The following HES7 variants were observed in gnomAD, a reference collection of about 807,000 sequenced individuals.
HES7 encodes transcription factor HES-7.
In HES7, 8 loss-of-function variants were observed where a neutral mutation model predicts 18.0. The observed-to-expected ratio is 0.45, with a 90% confidence interval of 0.26 to 0.80. The LOEUF (loss-of-function observed/expected upper bound fraction) is 0.80. Ranked by LOEUF, HES7 falls within the 30% of genes least tolerant of loss-of-function variation. The pLI, the probability that HES7 is intolerant of heterozygous loss-of-function variation, is 0.18. For synonymous variants in HES7, 170 were observed against 158.6 expected (o/e 1.07, Z -0.54); for missense variants, 356 against 340.9 (o/e 1.04, Z -0.35).
upstream of HES7, among the ~76,000 whole-genome samples, chr17:8,126,628 G>A (rs2151855697): frequency 6.6e-6 from 1 of 151,978 alleles, no homozygotes; most frequent in East Asian, 1.9e-4. Context: ...CCACTTGTGA[G>A]CGGGGCGGGG....
At chr17:8,125,667 G>C (rs1421297520), upstream of HES7, among the ~76,000 whole-genome samples, 3 of 152,140 alleles carry the variant, frequency 2.0e-5, no homozygotes, top group Non-Finnish European at 4.4e-5. Flanking sequence ...CCACTTCCCT[G>C]GCCTACACCG....
In HES7 at chr17:8,124,064, A is replaced by G. The variant is rs1048238010; in HGVS notation, c.21T>C (p.Ala7=). 1.9e-6 allele frequency: 3 copies of G among 1,613,664 alleles called. No homozygotes were observed. Among genetic ancestry groups the G allele is most frequent in the East Asian group, 2.2e-5 (1 of 44,878 alleles). The change falls in exon 1 of 4, where the codon GCT becomes GCC. Residue 7 remains alanine (A), a synonymous_variant. Transcript: ENST00000541682. The part of the protein sequence containing the change: MVTRDR[A]ENRDGPKMLK... ...TCACCTTGGGGCCGTCCCTATTCTC[A>G]GCTCGATCCCGGGTGACCATTGCTC...
In HES7 at chr17:8,121,583, T is replaced by C; in HGVS notation, c.681A>G (p.Arg227=). 1 of 1,309,760 alleles carries C rather than the reference T, an allele frequency of 7.6e-7. No individual in the cohort carries two copies. Among genetic ancestry groups the C allele is most frequent in the Non-Finnish European group, 9.6e-7 (1 of 1,036,524 alleles). The allele number at this position is 1,309,760 out of a possible 1,614,324, so 81.1% of individuals were successfully genotyped here. ...CACCCCCCAAGGCTCAGGGCCAAGG[T>C]CTCCAGAAAGCGGGCGGCGGGGGCA... ...APLPPPPAFW[R]PWP Residue 227 remains arginine, a synonymous_variant, in exon 4 of 4, where the codon AGA becomes AGG. Coordinates refer to ENST00000541682, the MANE Select transcript of HES7 (RefSeq NM_001165967.2).
At position 8,122,949 on chromosome 17, in the gene HES7, A is replaced by C. The variant is rs146009969; in HGVS notation, c.138+82T>G. ...GCCTTGGGGCCAGGGTTGCCAACCA[A>C]GCTTGTGTCCCCACCCCAGTGGGAA... On this transcript the variant is annotated intron_variant, in intron 2 of 3. Coordinates refer to ENST00000541682, the MANE Select transcript of HES7 (RefSeq NM_001165967.2). The surrounding 1 kb of genome is among the most constrained non-coding windows in gnomAD (Gnocchi z 6.9). The C allele has an allele frequency of 3.7e-4, 438 of 1,169,638 alleles. 1 individual carries two copies. The African/African-American group carries it at 6.3e-3, about 17-fold the overall frequency. 72.5% of individuals were successfully genotyped at this position (1,169,638 alleles called of 1,614,324 possible). A position where few individuals can be genotyped will look rare whatever the true frequency, so the allele number is the denominator to read the frequency against.
At position 8,121,744 on chromosome 17, in the gene HES7, G is replaced by C; in HGVS notation, c.520C>G (p.Pro174Ala). The C allele has an allele frequency of 6.8e-7, 1 of 1,465,772 alleles. No individual in the cohort carries two copies. The highest frequency in any genetic ancestry group is 8.9e-7 in the Non-Finnish European group (1 of 1,121,156). The allele number at this position is 1,465,772 out of a possible 1,614,324, so 90.8% of individuals were successfully genotyped here. A position where few individuals can be genotyped will look rare whatever the true frequency, so the allele number is the denominator to read the frequency against. ...HQRPPVHQGH[P>A]SPRCAWSPSL... Reference sequence around the variant, plus strand: ...GGGGACCATGCGCAGCGCGGGCTAGGGTGGCCCTGGTGCACTGGGGGGCGC... The same window carrying C: ...GGGGACCATGCGCAGCGCGGGCTAGCGTGGCCCTGGTGCACTGGGGGGCGC... Residue 174 changes from proline to alanine, a missense_variant, in exon 4 of 4, where the codon CCT becomes GCT. Physicochemically the swap from Pro to Ala is conservative, Grantham distance 27. Coordinates refer to ENST00000541682, the MANE Select transcript of HES7 (RefSeq NM_001165967.2).
chr17:8,126,539 C>T (rs1981612618), upstream of HES7, among the ~76,000 whole-genome samples: 1 of 152,242 alleles, frequency 6.6e-6, no homozygotes, highest in Admixed American at 6.5e-5. Flanking sequence ...ACCTCCCCTC[C>T]CCGCCCCTTC....
rs370013324 is a variant in HES7, at chr17:8,124,075, G to T, written c.10C>A (p.Arg4=). The part of the protein sequence containing the change: MVT[R]DRAENRDGPK... ...CCGTCCCTATTCTCAGCTCGATCCC[G>T]GGTGACCATTGCTCCTCCGGACCCT... Residue 4 remains arginine (R), a synonymous_variant, in exon 1 of 4, where the codon CGG becomes AGG. Coordinates refer to ENST00000541682, the MANE Select transcript of HES7 (RefSeq NM_001165967.2). The T allele has an allele frequency of 9.3e-6, 15 of 1,613,904 alleles. No individual in the cohort carries two copies. Among genetic ancestry groups the T allele is most frequent in the Middle Eastern group, 3.3e-4 (2 of 6,084 alleles).
upstream of HES7, among the ~76,000 whole-genome samples, chr17:8,126,632 G>A (rs1267489662): frequency 1.1e-4 from 16 of 152,190 alleles, no homozygotes; most frequent in East Asian, 1.2e-3. Flanking sequence ...TTGTGAGCGG[G>A]GCGGGGCGGG....
chr17:8,121,971 A>G lies in HES7; in HGVS notation c.293T>C (p.Leu98Ser), dbSNP rs777620410. 12 of 1,548,642 alleles carry G rather than the reference A, an allele frequency of 7.7e-6. No individual in the cohort carries two copies. Among genetic ancestry groups the G allele is most frequent in the Middle Eastern group, 1.8e-4 (1 of 5,562 alleles). The change falls in exon 4 of 4, where the codon TTG becomes TCG. Residue 98 changes from leucine to serine, a missense_variant. Coordinates refer to ENST00000541682, the MANE Select transcript of HES7 (RefSeq NM_001165967.2). ...QDAEALASCY[L>S]SGFRECLLRL... ...AAGCAGGCACTCGCGGAAACCGGACAAGTAGCAGCTGGCGAGCGCCTCGGC... is the reference window on the plus strand; with the variant it reads ...AAGCAGGCACTCGCGGAAACCGGACGAGTAGCAGCTGGCGAGCGCCTCGGC...
chr17:8,122,153 T>G lies in HES7; in HGVS notation c.227-116A>C, dbSNP rs895005660. ...AGGCGCACAGAGACAGGAAGCCAGA[T>G]GGACGGAAAGAGGGAGAAAATGAGG... On this transcript the variant is annotated intron_variant, in intron 3 of 3. Coordinates refer to ENST00000541682, the MANE Select transcript of HES7 (RefSeq NM_001165967.2). This position sits in a 1 kb window ranked among gnomAD's most constrained non-coding sequence, Gnocchi z 6.9. 1 of 1,030,812 alleles carries G rather than the reference T, an allele frequency of 9.7e-7. No homozygotes were observed. The highest frequency in any genetic ancestry group is 1.4e-6 in the Non-Finnish European group (1 of 727,074). 63.9% of individuals were successfully genotyped at this position (1,030,812 alleles called of 1,614,324 possible). A position where few individuals can be genotyped will look rare whatever the true frequency, so the allele number is the denominator to read the frequency against.
Position 8,122,419 on chromosome 17 carries a change from G to T in HES7, c.150C>A (p.Asn50Lys), listed in dbSNP as rs1361592179. 1 of 1,583,828 alleles carries T rather than the reference G, an allele frequency of 6.3e-7. No individual in the cohort carries two copies. The highest frequency in any genetic ancestry group is 1.8e-5 in the Admixed American group (1 of 55,366). Residue 50 changes from asparagine (N) to lysine (K), a missense_variant, in exon 3 of 4, where the codon AAC becomes AAA. Asn to Lys is a moderately conservative substitution (Grantham distance 94). Coordinates refer to ENST00000541682, the MANE Select transcript of HES7 (RefSeq NM_001165967.2). The surrounding 1 kb of genome is among the most constrained non-coding windows in gnomAD (Gnocchi z 6.9). ...ATATCTCCGCTTTCTCCAGCTTCGGGTTCCGGAGGTTCTACAGACGGGAGG... is the reference window on the plus strand; with the variant it reads ...ATATCTCCGCTTTCTCCAGCTTCGGTTTCCGGAGGTTCTACAGACGGGAGG... ...LERTRDQNLR[N>K]PKLEKAEILE...
rs989936002 is a variant in HES7, at chr17:8,122,690, A to G, written c.139-260T>C. ...AGGAGGAGATTTGAAACCGCAACCC[A>G]GGGAATGAAATTAACCACCCGACAT... On this transcript the variant is annotated intron_variant, in intron 2 of 3. Coordinates refer to ENST00000541682, the MANE Select transcript of HES7 (RefSeq NM_001165967.2). The surrounding 1 kb of genome is among the most constrained non-coding windows in gnomAD (Gnocchi z 6.9). Among the ~76,000 whole-genome samples, 11 of 152,166 alleles carry G rather than the reference A, an allele frequency of 7.2e-5. No individual in the cohort carries two copies. The highest frequency in any genetic ancestry group is 7.2e-4 in the Admixed American group (11 of 15,266).
In HES7 at chr17:8,124,086, G is replaced by C; in HGVS notation, c.-2C>G. On this transcript the variant is annotated 5_prime_UTR_variant, in exon 1 of 4. Transcript: ENST00000541682. ...CTCAGCTCGATCCCGGGTGACCATT[G>C]CTCCTCCGGACCCTGTGTGGACCGG... 1 of 1,613,998 alleles carries C rather than the reference G, an allele frequency of 6.2e-7. No individual in the cohort carries two copies.
At chr17:8,124,388 T>A (rs1354161642), upstream of HES7, among the ~76,000 whole-genome samples, 1 of 152,108 alleles carries the variant, frequency 6.6e-6, no homozygotes, top group African/African-American at 2.4e-5. Context: ...CAGAGCTCGC[T>A]TGGGGATGAA....
In HES7 at chr17:8,124,095, G is replaced by C. The variant is rs528275024; in HGVS notation, c.-11C>G. ...ATCCCGGGTGACCATTGCTCCTCCG[G>C]ACCCTGTGTGGACCGGTTCCCTGCT... On this transcript the variant is annotated 5_prime_UTR_variant, in exon 1 of 4. Coordinates refer to ENST00000541682, the MANE Select transcript of HES7 (RefSeq NM_001165967.2). The C allele has an allele frequency of 6.2e-7, 1 of 1,613,998 alleles. No individual in the cohort carries two copies. Among genetic ancestry groups the C allele is most frequent in the Admixed American group, 1.7e-5 (1 of 60,020 alleles).
Position 8,123,979 on chromosome 17 carries a change from G to A in HES7, c.42+64C>T, listed in dbSNP as rs1053749811. On this transcript the variant is annotated intron_variant, in intron 1 of 3. Coordinates refer to ENST00000541682, the MANE Select transcript of HES7 (RefSeq NM_001165967.2). This position sits in a 1 kb window ranked among gnomAD's most constrained non-coding sequence, Gnocchi z 5.9. ...TCCCCAGCCTCTCTCCAGACCGACG[G>A]CGTCAGGGGCCCAGTCCCCTAGCCA... The A allele has an allele frequency of 1.3e-6, 2 of 1,575,748 alleles. No individual in the cohort carries two copies. The highest frequency in any genetic ancestry group is 1.3e-5 in the African/African-American group (1 of 74,150).
Position 8,122,169 on chromosome 17 carries a change from G to A in HES7, c.227-132C>T. Reference sequence around the variant, plus strand: ...GAAGCCAGATGGACGGAAAGAGGGAGAAAATGAGGGAGACACAGAGACAGA... The same window carrying A: ...GAAGCCAGATGGACGGAAAGAGGGAAAAAATGAGGGAGACACAGAGACAGA... On this transcript the variant is annotated intron_variant, in intron 3 of 3. Coordinates refer to ENST00000541682, the MANE Select transcript of HES7 (RefSeq NM_001165967.2). This position sits in a 1 kb window ranked among gnomAD's most constrained non-coding sequence, Gnocchi z 6.9. 1 of 967,252 alleles carries A rather than the reference G, an allele frequency of 1.0e-6. No individual in the cohort carries two copies. The highest frequency in any genetic ancestry group is 1.5e-6 in the Non-Finnish European group (1 of 663,344). 59.9% of individuals were successfully genotyped at this position (967,252 alleles called of 1,614,324 possible).
At position 8,121,596 on chromosome 17, in the gene HES7, G is replaced by A; in HGVS notation, c.668C>T (p.Pro223Leu). The A allele has an allele frequency of 7.6e-7, 1 of 1,312,410 alleles. No individual in the cohort carries two copies. The highest frequency in any genetic ancestry group is 9.6e-7 in the Non-Finnish European group (1 of 1,037,940). The allele number at this position is 1,312,410 out of a possible 1,614,324, so 81.3% of individuals were successfully genotyped here. The change falls in exon 4 of 4, where the codon CCC becomes CTC. Residue 223 changes from proline to leucine, a missense_variant. Coordinates refer to ENST00000541682, the MANE Select transcript of HES7 (RefSeq NM_001165967.2). ...GAPKAPLPPP[P>L]AFWRPWP is the part of the protein sequence containing the mutation. ...TCAGGGCCAAGGTCTCCAGAAAGCG[G>A]GCGGCGGGGGCAGCGGGGCCTTGGG...
chr17:8,122,509 G>C lies in HES7; in HGVS notation c.139-79C>G. The C allele has an allele frequency of 3.1e-5, 31 of 987,450 alleles. No individual in the cohort carries two copies. The highest frequency in any genetic ancestry group is 4.7e-5 in the Non-Finnish European group (30 of 639,454). 61.2% of individuals were successfully genotyped at this position (987,450 alleles called of 1,614,324 possible). A position where few individuals can be genotyped will look rare whatever the true frequency, so the allele number is the denominator to read the frequency against. On this transcript the variant is annotated intron_variant, in intron 2 of 3. Transcript: ENST00000541682. This position sits in a 1 kb window ranked among gnomAD's most constrained non-coding sequence, Gnocchi z 6.9. Reference sequence around the variant, plus strand: ...AAAGTGGCAGGGGGAAGAAGGGAGGGACGGATGCGGGAGCTGGTGGTGCCC... The same window carrying C: ...AAAGTGGCAGGGGGAAGAAGGGAGGCACGGATGCGGGAGCTGGTGGTGCCC...
Sources: gnomAD v4.1 joint callset for allele counts (sites outside exome capture counted in the v4.1 genomes callset) on GRCh38, gnomAD v4.1.1 for gene constraint, Gnocchi (gnomAD v3.1) non-coding constraint, MANE v1.5 for transcripts, NCBI Gene and HGNC (gene_info 2026-07-23, HGNC 2026-07-21) for gene names.